The following ERBB4 variants were observed in gnomAD, a reference collection of about 807,000 sequenced individuals.
ERBB4 encodes the protein receptor tyrosine-protein kinase erbB-4.
In ERBB4, 42 loss-of-function variants were observed where a neutral mutation model predicts 158.0. The observed-to-expected ratio is 0.27, with a 90% CI of 0.21 to 0.34. ERBB4 has a LOEUF of 0.34. Among genes scored for constraint, ERBB4 ranks in the 10% least tolerant of loss-of-function variants. ERBB4 has a pLI of 1.00. For missense variants in ERBB4, 1,333 were observed against 1,624.1 expected, an observed-to-expected ratio of 0.82 and a Z score of 3.08; for synonymous variants, 583 against 558.7, an observed-to-expected ratio of 1.04 and a Z score of -0.61.
At chr2:212,050,221 A>C (rs2077364567) in intron 2 of ERBB4, among the ~76,000 whole-genome samples, 1 of 152,008 alleles carries the variant, frequency 6.6e-6, no homozygotes, top group Non-Finnish European at 1.5e-5. Flanking sequence ...TCCATGACTT[A>C]CTCAGGTAAT....
intron 19 of ERBB4, among the ~76,000 whole-genome samples, chr2:211,566,107 G>T (rs779525792): frequency 5.3e-5 from 8 of 152,172 alleles, no homozygotes; most frequent in Non-Finnish European, 1.2e-4. Flanking sequence ...GCATCCTCAC[G>T]TGGTACCAGT....
intron 1 of ERBB4, among the ~76,000 whole-genome samples, chr2:212,450,374 T>C (rs1053864059): frequency 1.3e-5 from 2 of 152,118 alleles, no homozygotes; most frequent in Non-Finnish European, 1.5e-5. Flanking sequence ...GTGAGCCCAG[T>C]ATAATCCTTT....
At chr2:211,816,897 G>C (rs1279419123) in intron 3 of ERBB4, among the ~76,000 whole-genome samples, 1 of 152,070 alleles carries the variant, frequency 6.6e-6, no homozygotes, top group African/African-American at 2.4e-5. Context: ...GTTCCCATAG[G>C]TACTGTTTTC....
intron 15 of ERBB4, among the ~76,000 whole-genome samples, chr2:211,663,303 A>C (rs2105913779): frequency 6.6e-6 from 1 of 152,330 alleles, no homozygotes; most frequent in Non-Finnish European, 1.5e-5. Context: ...CAGAAAGCTA[A>C]ATGAAAACAG....
intron 13 of ERBB4, 106 bp downstream of exon 13, chr2:211,678,946 G>A (rs568639625): frequency 1.9e-5 from 20 of 1,078,842 alleles, no homozygotes; most frequent in Middle Eastern, 3.3e-4. Flanking sequence ...CAGCCAGGGC[G>A]ACAGAGCGAG....
chr2:212,217,695 C>T (rs73987291), intron 1 of ERBB4, among the ~76,000 whole-genome samples: 5,377 of 151,340 alleles, frequency 0.036, 289 homozygotes, highest in African/African-American at 0.12. Flanking sequence ...CCCATTAAAA[C>T]ATAAGCTCCA....
At chr2:211,861,485 G>C (rs558271513) in intron 3 of ERBB4, among the ~76,000 whole-genome samples, 1 of 150,918 alleles carries the variant, frequency 6.6e-6, no homozygotes, top group African/African-American at 2.4e-5. Flanking sequence ...TTACAGACAC[G>C]AGTCACTACA....
chr2:212,136,823 C>T (rs115947965), intron 1 of ERBB4, among the ~76,000 whole-genome samples: 1,972 of 152,190 alleles, frequency 0.013, 26 homozygotes, highest in African/African-American at 0.043. Context: ...TGGCAAACAA[C>T]ATTTTTGACT....
intron 24 of ERBB4, 38 bp downstream of exon 24, chr2:211,421,969 T>C: frequency 1.5e-6 from 2 of 1,302,294 alleles, no homozygotes; most frequent in South Asian, 1.2e-5. Flanking sequence ...GAGTTTGCCA[T>C]TGGCCTAGTC....
intron 3 of ERBB4, among the ~76,000 whole-genome samples, chr2:211,858,987 G>A (rs1199179541): frequency 6.6e-6 from 1 of 151,962 alleles, no homozygotes; most frequent in African/African-American, 2.4e-5. Flanking sequence ...TCACCATGTT[G>A]GCCAGACTGG....
At chr2:212,395,614 C>CTTTTTTTT (rs760604732) in intron 1 of ERBB4, among the ~76,000 whole-genome samples, 4 of 84,736 alleles carry the variant, frequency 4.7e-5, no homozygotes, top group Non-Finnish European at 6.5e-5. Context: ...CAGTTACACT[C>CTTTTTTTT]TTTTTTTTTT....
intron 13 of ERBB4, among the ~76,000 whole-genome samples, chr2:211,677,745 G>T (rs1025298487): frequency 6.6e-6 from 1 of 151,800 alleles, no homozygotes; most frequent in Non-Finnish European, 1.5e-5. Flanking sequence ...GTGGTGGCGG[G>T]CGCCTGTAGT....
At chr2:211,879,693 C>T (rs567447507) in intron 3 of ERBB4, among the ~76,000 whole-genome samples, 10 of 152,182 alleles carry the variant, frequency 6.6e-5, no homozygotes, top group Admixed American at 6.5e-4. Context: ...GACAATGGAA[C>T]AGTGTAGTAG....
intron 2 of ERBB4, among the ~76,000 whole-genome samples, chr2:212,015,372 G>A (rs2076506015): frequency 6.6e-6 from 1 of 151,980 alleles, no homozygotes; most frequent in Non-Finnish European, 1.5e-5. Flanking sequence ...TGTCTTCAGT[G>A]ATTGGCCATT....
intron 12 of ERBB4, 32 bp downstream of exon 12, chr2:211,701,935 C>G (rs773491051): frequency 3.9e-6 from 6 of 1,520,802 alleles, no homozygotes; most frequent in Non-Finnish European, 5.5e-6. Flanking sequence ...ATTTAAGTTT[C>G]TATGTTTTAA....
intron 3 of ERBB4, among the ~76,000 whole-genome samples, chr2:211,934,989 C>T (rs1272834718): frequency 7.0e-6 from 1 of 143,026 alleles, no homozygotes; most frequent in African/African-American, 2.5e-5. Flanking sequence ...TTTTATGCAT[C>T]CCCTGCTCAT....
At chr2:211,418,198 T>C (rs781759987) in intron 25 of ERBB4, among the ~76,000 whole-genome samples, 2 of 152,048 alleles carry the variant, frequency 1.3e-5, no homozygotes, top group African/African-American at 2.4e-5. Context: ...CTTAAAATGG[T>C]AGTAATTTGT....
rs140381090 is a variant in ERBB4, at chr2:211,772,984, C to T, written c.556+15041G>A. Reference sequence around the variant, plus strand: ...TTTTTTTTAAAGATGGGGTCCTACTCTGTTGCCCAGGTTGCTCTCAAATTC... The same window carrying T: ...TTTTTTTTAAAGATGGGGTCCTACTTTGTTGCCCAGGTTGCTCTCAAATTC... On this transcript the variant is annotated intron_variant, in intron 4 of 27. Transcript: ENST00000342788. 1.1e-3 allele frequency among the ~76,000 whole-genome samples: 145 copies of T among 134,512 alleles called. 1 individual carries two copies. The highest frequency in any genetic ancestry group is 4.0e-3 in the African/African-American group (136 of 34,330). 88.2% of individuals were successfully genotyped at this position (134,512 alleles called of 152,430 possible).
At chr2:211,463,144 C>T (rs576799801) in intron 20 of ERBB4, among the ~76,000 whole-genome samples, 67 of 152,188 alleles carry the variant, frequency 4.4e-4, no homozygotes, top group South Asian at 1.2e-3. Flanking sequence ...TGCTGTGATG[C>T]CCTTGCTTAA....
Sources: gnomAD v4.1 joint callset for allele counts (sites outside exome capture counted in the v4.1 genomes callset) on GRCh38, gnomAD v4.1.1 for gene constraint, MANE v1.5 for transcripts, NCBI Gene and HGNC (gene_info 2026-07-23, HGNC 2026-07-21) for gene names.